Variants in DENND2A observed in about 807,000 individuals in gnomAD.
The protein encoded by DENND2A is DENN domain containing 2A.
In DENND2A, 53 loss-of-function variants were observed where a neutral mutation model predicts 105.3. That is an observed-to-expected ratio of 0.50 (90% CI 0.40 to 0.63). The LOEUF is 0.63. Among genes scored for constraint, DENND2A ranks in the 30% least tolerant of loss-of-function variants. The pLI is 0.00. For synonymous variants in DENND2A, 522 were observed against 508.4 expected, an observed-to-expected ratio of 1.03 and a Z score of -0.36; for missense variants, 1,138 against 1,279.6, an observed-to-expected ratio of 0.89 and a Z score of 1.69.
At chr7:140,519,321 T>A (rs931569054) in intron 19 of DENND2A, among the ~76,000 whole-genome samples, 6 of 152,232 alleles carry the variant, frequency 3.9e-5, no homozygotes, top group African/African-American at 4.8e-5. Flanking sequence ...CCAGACGTCC[T>A]TGTCTGGTTC....
intron 12 of DENND2A, among the ~76,000 whole-genome samples, chr7:140,548,349 A>G (rs902757253): frequency 6.6e-6 from 1 of 151,654 alleles, no homozygotes; most frequent in Non-Finnish European, 1.5e-5. Context: ...TAAATTGAAG[A>G]GTCTAAATTA....
intron 1 of DENND2A, among the ~76,000 whole-genome samples, chr7:140,613,048 A>G (rs1229596524): frequency 6.6e-6 from 1 of 151,324 alleles, no homozygotes; most frequent in African/African-American, 2.4e-5. Context: ...CGGGAGGCGG[A>G]GGTTGCAGTG....
At chr7:140,525,977 C>G (rs530547889) in intron 15 of DENND2A, among the ~76,000 whole-genome samples, 185 bp from the exon 16 acceptor site, 2 of 152,242 alleles carry the variant, frequency 1.3e-5, no homozygotes, top group South Asian at 4.2e-4. Flanking sequence ...TGGGGAGGGT[C>G]CTTCCTGAGC....
intron 3 of DENND2A, among the ~76,000 whole-genome samples, chr7:140,590,183 G>A (rs112306866): frequency 0.036 from 5,495 of 151,646 alleles, 175 homozygotes; most frequent in African/African-American, 0.093. Context: ...TGAGGTTGGG[G>A]GTTCGTGACC....
Position 140,590,390 on chromosome 7 carries a change from A to AATAC in DENND2A, c.996-2614_996-2611dup, listed in dbSNP as rs1195907234. Among the ~76,000 whole-genome samples, 16 of 152,074 alleles carry AATAC rather than the reference A, an allele frequency of 1.1e-4. No homozygotes were observed. The East Asian group carries it at 2.9e-3, about 28-fold the overall frequency. On this transcript the variant is annotated intron_variant, in intron 3 of 19. Transcript: ENST00000496613. Reference sequence around the variant, plus strand: ...GGGCGACAGAGACTCTGTCTCAAAAAATACATACATACATAAAAATAGAGC... The same window carrying AATAC: ...GGGCGACAGAGACTCTGTCTCAAAAAATACATACATACATACATAAAAATAGAGC...
intron 1 of DENND2A, among the ~76,000 whole-genome samples, chr7:140,608,394 T>G (rs913950698): frequency 6.6e-6 from 1 of 152,168 alleles, no homozygotes; most frequent in Non-Finnish European, 1.5e-5. Context: ...AGTTGTTAAC[T>G]GGCTGGGCAT....
chr7:140,530,970 G>A (rs1796243094), intron 14 of DENND2A, among the ~76,000 whole-genome samples: 1 of 152,164 alleles, frequency 6.6e-6, no homozygotes, highest in East Asian at 1.9e-4. Flanking sequence ...GACCTCAGGT[G>A]ATCTGTTCAC....
chr7:140,591,764 CCTT>C (rs1166275391), intron 3 of DENND2A, among the ~76,000 whole-genome samples: 21 of 149,906 alleles, frequency 1.4e-4, no homozygotes, highest in African/African-American at 4.9e-4. Context: ...TTCCCTCCCT[CCTT>C]TTCTTTCCTT....
At chr7:140,554,224 CAA>C (rs879656542) in intron 12 of DENND2A, among the ~76,000 whole-genome samples, 1 of 136,004 alleles carries the variant, frequency 7.4e-6, no homozygotes. Flanking sequence ...GACTCCGTCT[CAA>C]AAAAAAAAAA....
intron 11 of DENND2A, among the ~76,000 whole-genome samples, chr7:140,556,361 C>A (rs562956560): frequency 6.6e-6 from 1 of 151,806 alleles, no homozygotes; most frequent in Non-Finnish European, 1.5e-5. Flanking sequence ...TTTTTGGAGA[C>A]GGAGTCTTGC....
At chr7:140,522,246 G>T in intron 17 of DENND2A, 146 bp from the exon 18 acceptor site, 2 of 1,008,676 alleles carry the variant, frequency 2.0e-6, no homozygotes, top group Non-Finnish European at 2.8e-6. Context: ...GGTTACCCAG[G>T]TTATTAAGAC....
intron 3 of DENND2A, among the ~76,000 whole-genome samples, chr7:140,599,925 A>C (rs1799422062): frequency 6.6e-6 from 1 of 152,040 alleles, no homozygotes; most frequent in Non-Finnish European, 1.5e-5. Context: ...CTGCTGAGGG[A>C]GGAATGTTCT....
chr7:140,640,879 G>A (rs1411757311), upstream of DENND2A: 1 of 151,872 alleles, frequency 6.6e-6, no homozygotes, highest in African/African-American at 2.4e-5. This position sits in a 1 kb window ranked among gnomAD's most constrained non-coding sequence, Gnocchi z 4.9. Context: ...CAGCTGGCGG[G>A]CGCCCGGCCG....
chr7:140,637,327 T>C (rs1800983675), intron 1 of DENND2A, among the ~76,000 whole-genome samples: 1 of 152,214 alleles, frequency 6.6e-6, no homozygotes, highest in Non-Finnish European at 1.5e-5. Context: ...ACGACAGCTA[T>C]AGTTGGCAAG....
chr7:140,519,451 T>C (rs1353896390), intron 19 of DENND2A, among the ~76,000 whole-genome samples, 181 bp downstream of exon 19: 1 of 152,102 alleles, frequency 6.6e-6, no homozygotes, highest in African/African-American at 2.4e-5. Flanking sequence ...AGCGTTTCCT[T>C]TGTTTTCTCT....
chr7:140,549,447 G>A (rs571605336), intron 12 of DENND2A, among the ~76,000 whole-genome samples: 4 of 152,062 alleles, frequency 2.6e-5, no homozygotes, highest in East Asian at 2.0e-4. Context: ...TAGTAGAGAC[G>A]GAATTTTGCC....
At chr7:140,631,049 G>T (rs1395741732) in intron 1 of DENND2A, among the ~76,000 whole-genome samples, 1 of 152,086 alleles carries the variant, frequency 6.6e-6, no homozygotes, top group Non-Finnish European at 1.5e-5. Flanking sequence ...GACAAGTGGC[G>T]CAGATTCATC....
chr7:140,556,694 T>C (rs1797377084), intron 11 of DENND2A, among the ~76,000 whole-genome samples: 1 of 151,970 alleles, frequency 6.6e-6, no homozygotes. Flanking sequence ...TTATCTCACT[T>C]ACCTTTTTCA....
intron 3 of DENND2A, among the ~76,000 whole-genome samples, chr7:140,599,415 A>G (rs916458465): frequency 1.3e-5 from 2 of 152,088 alleles, no homozygotes; most frequent in African/African-American, 4.8e-5. Context: ...AATTAAACAG[A>G]ATGGAGCCAG....
Sources: gnomAD v4.1 joint callset for allele counts (sites outside exome capture counted in the v4.1 genomes callset) on GRCh38, gnomAD v4.1.1 for gene constraint, Gnocchi (gnomAD v3.1) non-coding constraint, MANE v1.5 for transcripts, NCBI Gene and HGNC (gene_info 2026-07-23, HGNC 2026-07-21) for gene names.